EPM2A: variants seen among roughly 807,000 people sequenced by gnomAD.
EPM2A encodes EPM2A glucan phosphatase, laforin.
A neutral mutation model predicts 26.5 loss-of-function variants in EPM2A; 21 were observed. The ratio of observed to expected loss-of-function variants is 0.79; its 90% CI spans 0.56 to 1.14. EPM2A has a LOEUF of 1.14. Among genes scored for constraint, EPM2A ranks in the 50% most tolerant of loss-of-function variants. The pLI, the probability that EPM2A is intolerant of heterozygous loss-of-function variation, is 0.00. For synonymous variants in EPM2A, 217 were observed against 177.6 expected, an observed-to-expected ratio of 1.22 and a Z score of -1.76; for missense variants, 458 against 440.8, an observed-to-expected ratio of 1.04 and a Z score of -0.35.
intron 4 of EPM2A, among the ~76,000 whole-genome samples, chr6:145,455,951 T>C (rs889050456): frequency 2.0e-5 from 3 of 152,200 alleles, no homozygotes; most frequent in African/African-American, 7.2e-5. Context: ...TACTAATCAG[T>C]GTAGAATGAA....
intron 1 of EPM2A, among the ~76,000 whole-genome samples, chr6:145,687,966 G>GA (rs1781040815): frequency 6.6e-6 from 1 of 151,858 alleles, no homozygotes; most frequent in Non-Finnish European, 1.5e-5. Context: ...ATATTACTAA[G>GA]AAAAAAGAAT....
At chr6:145,610,603 T>C (rs1054658735) in intron 2 of EPM2A, among the ~76,000 whole-genome samples, 11 of 152,206 alleles carry the variant, frequency 7.2e-5, no homozygotes, top group Non-Finnish European at 1.3e-4. Context: ...AGCTGGAAGG[T>C]AGTAAGCATG....
At chr6:145,422,074 T>TAGAGAG (rs369003830) in intron 4 of EPM2A, among the ~76,000 whole-genome samples, 10 of 132,990 alleles carry the variant, frequency 7.5e-5, no homozygotes, top group Admixed American at 2.4e-4. Flanking sequence ...TATATATATA[T>TAGAGAG]ATAGAGAGAG....
intron 4 of EPM2A, among the ~76,000 whole-genome samples, chr6:145,401,403 T>C (rs1778484216): frequency 6.6e-6 from 1 of 152,122 alleles, no homozygotes; most frequent in Non-Finnish European, 1.5e-5. Flanking sequence ...GAATGTACAT[T>C]AAGGATGGAT....
At chr6:145,400,016 G>A (rs546151314) in intron 4 of EPM2A, among the ~76,000 whole-genome samples, 1 of 152,214 alleles carries the variant, frequency 6.6e-6, no homozygotes, top group East Asian at 1.9e-4. Flanking sequence ...TGATTTTTAT[G>A]CTGCTTAAAA....
intron 2 of EPM2A, among the ~76,000 whole-genome samples, chr6:145,514,520 T>C (rs975396658): frequency 6.6e-6 from 1 of 152,214 alleles, no homozygotes; most frequent in Non-Finnish European, 1.5e-5. Context: ...TTCAGTGTGT[T>C]AGCTGAAGCA....
intron 2 of EPM2A, among the ~76,000 whole-genome samples, chr6:145,579,914 A>G (rs1357850355): frequency 6.6e-6 from 1 of 152,138 alleles, no homozygotes; most frequent in Non-Finnish European, 1.5e-5. Context: ...AACAGTCTAT[A>G]TTCAAGTGAT....
At chr6:145,654,599 A>G (rs1778128172) in intron 2 of EPM2A, among the ~76,000 whole-genome samples, 1 of 152,224 alleles carries the variant, frequency 6.6e-6, no homozygotes, top group African/African-American at 2.4e-5. Context: ...AAGTCTGTCA[A>G]GTTCATTATA....
intron 2 of EPM2A, among the ~76,000 whole-genome samples, chr6:145,537,448 T>C (rs754765839): frequency 4.6e-5 from 7 of 152,202 alleles, no homozygotes; most frequent in Non-Finnish European, 7.3e-5. Context: ...ATTTTTATAA[T>C]GCAGAAACAC....
At chr6:145,710,562 G>C (rs1775256503) in intron 1 of EPM2A, among the ~76,000 whole-genome samples, 1 of 152,170 alleles carries the variant, frequency 6.6e-6, no homozygotes, top group Non-Finnish European at 1.5e-5. Flanking sequence ...AGTCAGTGTG[G>C]CGATTCCTCA....
chr6:145,480,038 A>G (rs1779594646), intron 4 of EPM2A, among the ~76,000 whole-genome samples: 1 of 152,066 alleles, frequency 6.6e-6, no homozygotes, highest in South Asian at 2.1e-4. Context: ...TCATGTGACT[A>G]TAAGCCATTC....
intron 2 of EPM2A, among the ~76,000 whole-genome samples, chr6:145,677,541 C>A (rs532704389): frequency 6.6e-6 from 1 of 152,178 alleles, no homozygotes; most frequent in African/African-American, 2.4e-5. Context: ...ACCCCATCAT[C>A]TCAGCCCAAA....
At chr6:145,720,501 G>T (rs1775897746) in intron 1 of EPM2A, among the ~76,000 whole-genome samples, 2 of 152,092 alleles carry the variant, frequency 1.3e-5, no homozygotes, top group Admixed American at 1.3e-4. Flanking sequence ...AAGTCCATGG[G>T]TGAAATTAAG....
At chr6:145,639,145 G>C (rs1776902421) in intron 2 of EPM2A, 8 of 152,088 alleles carry the variant, frequency 5.3e-5, no homozygotes, top group Admixed American at 5.2e-4. Flanking sequence ...AGATATAATG[G>C]AATAGAAGTT....
At chr6:145,597,140 C>A (rs1263456771) in intron 2 of EPM2A, among the ~76,000 whole-genome samples, 7 of 151,546 alleles carry the variant, frequency 4.6e-5, no homozygotes. Flanking sequence ...ATGATCCACC[C>A]GCCTCGGCCT....
chr6:145,575,759 T>C (rs142710620), intron 2 of EPM2A, among the ~76,000 whole-genome samples: 616 of 152,328 alleles, frequency 4.0e-3, no homozygotes, highest in Non-Finnish European at 6.7e-3. Context: ...GTGTTCTCCA[T>C]ACTATCAGAA....
chr6:145,482,780 A>T (rs1381705360), intron 4 of EPM2A, among the ~76,000 whole-genome samples: 1 of 152,042 alleles, frequency 6.6e-6, no homozygotes, highest in Non-Finnish European at 1.5e-5. Flanking sequence ...TAACAACTAC[A>T]GTCAACTTTT....
chr6:145,385,416 A>G (rs1006589723), intron 4 of EPM2A, among the ~76,000 whole-genome samples: 7 of 152,156 alleles, frequency 4.6e-5, no homozygotes, highest in South Asian at 4.1e-4. Flanking sequence ...AAAAAAGGTC[A>G]TTTGTAAATG....
chr6:145,627,248 G>T lies in EPM2A; in HGVS notation c.*168C>A. Reference sequence around the variant, plus strand: ...TCTTGTAGAGTATTTCAAAAATACAGCCCCAAAACAAAGCATAATCGAAAG... The same window carrying T: ...TCTTGTAGAGTATTTCAAAAATACATCCCCAAAACAAAGCATAATCGAAAG... On this transcript the variant is annotated 3_prime_UTR_variant, in exon 4 of 4. Transcript: ENST00000367519. The T allele has an allele frequency of 6.6e-7, 1 of 1,520,482 alleles. No homozygotes were observed. The highest frequency in any genetic ancestry group is 1.3e-5 in the South Asian group (1 of 76,692). The allele number at this position is 1,520,482 out of a possible 1,614,324, so 94.2% of individuals were successfully genotyped here. A position where few individuals can be genotyped will look rare whatever the true frequency, so the allele number is the denominator to read the frequency against.
Sources: allele counts gnomAD v4.1 joint callset (sites outside exome capture counted in the v4.1 genomes callset), GRCh38; gene constraint gnomAD v4.1.1; transcripts MANE v1.5; gene names NCBI Gene and HGNC (gene_info 2026-07-23, HGNC 2026-07-21).